The following EXOC4 variants were observed in gnomAD, a reference collection of about 807,000 sequenced individuals.
EXOC4 encodes exocyst complex component 4.
EXOC4 carries 71 observed loss-of-function variants against 107.2 expected under a neutral mutation model. That is an observed-to-expected ratio of 0.66 (90% confidence interval 0.55 to 0.81). The LOEUF (loss-of-function observed/expected upper bound fraction) is 0.81. EXOC4 is among the 30% of genes least tolerant of loss of function. The pLI, the probability that EXOC4 is intolerant of heterozygous loss-of-function variation, is 0.00. For synonymous variants in EXOC4, 456 were observed against 441.2 expected (o/e 1.03, Z -0.42); for missense variants, 1,108 against 1,189.6 (o/e 0.93, Z 1.01).
intron 14 of EXOC4, among the ~76,000 whole-genome samples, chr7:133,990,017 G>A (rs1006692991): frequency 2.0e-5 from 3 of 152,094 alleles, no homozygotes; most frequent in Admixed American, 6.5e-5. Context: ...TATTATAGCT[G>A]TACGTATTTT....
chr7:133,358,765 T>G (rs1258674924), intron 6 of EXOC4, among the ~76,000 whole-genome samples: 1 of 123,922 alleles, frequency 8.1e-6, no homozygotes, highest in Non-Finnish European at 1.7e-5. Flanking sequence ...CACTGTGTCT[T>G]TCATAGGAGT....
chr7:133,889,095 T>C (rs1273446377), intron 11 of EXOC4, among the ~76,000 whole-genome samples: 1 of 152,212 alleles, frequency 6.6e-6, no homozygotes, highest in Non-Finnish European at 1.5e-5. Flanking sequence ...ATTGATGGTT[T>C]TGAAACTTTT....
intron 10 of EXOC4, among the ~76,000 whole-genome samples, chr7:133,649,583 G>A (rs1052031696): frequency 6.7e-6 from 1 of 149,712 alleles, no homozygotes; most frequent in Non-Finnish European, 1.5e-5. Flanking sequence ...TGTTTCTCTT[G>A]GCTTTCCTGT....
At chr7:133,587,727 G>A (rs952943111) in intron 9 of EXOC4, among the ~76,000 whole-genome samples, 2 of 152,114 alleles carry the variant, frequency 1.3e-5, no homozygotes, top group African/African-American at 4.8e-5. Context: ...ATTGGAATTA[G>A]AAAGAAGAAC....
intron 1 of EXOC4, among the ~76,000 whole-genome samples, chr7:133,271,599 T>G (rs1372066122): frequency 6.6e-6 from 1 of 152,212 alleles, no homozygotes; most frequent in Non-Finnish European, 1.5e-5. Flanking sequence ...GTCCAGTCTC[T>G]GAGCTTAGAT....
At chr7:133,796,478 C>T (rs573748854) in intron 10 of EXOC4, among the ~76,000 whole-genome samples, 37 of 152,216 alleles carry the variant, frequency 2.4e-4, no homozygotes, top group African/African-American at 6.0e-4. Flanking sequence ...TTATTTTGGC[C>T]GGGCGCGGTG....
At chr7:133,396,446 C>T (rs1796973212) in intron 7 of EXOC4, 1 of 152,144 alleles carries the variant, frequency 6.6e-6, no homozygotes, top group Non-Finnish European at 1.5e-5. Context: ...GAATCTTGGT[C>T]TGGTTTCAAA....
At position 133,863,154 on chromosome 7, in the gene EXOC4, T is replaced by A. The variant is rs537008313; in HGVS notation, c.1735-32445T>A. Among the ~76,000 whole-genome samples the A allele has an allele frequency of 2.6e-5, 4 of 152,194 alleles. No homozygotes were observed. In the South Asian group the frequency reaches 6.2e-4, roughly 24 times the overall value. ...CACAATTTTTTTCTTTAAAAAGAAA[T>A]CAGTGGAGCATAATAGAAAATCAAA... is the stretch of plus-strand genomic sequence containing the variant. On this transcript the variant is annotated intron_variant, in intron 11 of 17. Transcript: ENST00000253861.
intron 7 of EXOC4, among the ~76,000 whole-genome samples, chr7:133,424,688 T>C: frequency 6.6e-6 from 1 of 152,234 alleles, no homozygotes; most frequent in East Asian, 1.9e-4. Context: ...ACATTATTTT[T>C]ATTGTCAGAA....
At chr7:133,981,833 G>A (rs143040191) in intron 14 of EXOC4, among the ~76,000 whole-genome samples, 1 of 152,156 alleles carries the variant, frequency 6.6e-6, no homozygotes, top group African/African-American at 2.4e-5. Context: ...GTTCACAATA[G>A]CAAAGACATG....
chr7:133,931,206 A>G (rs1563061367), intron 13 of EXOC4, among the ~76,000 whole-genome samples: 1 of 152,312 alleles, frequency 6.6e-6, no homozygotes, highest in African/African-American at 2.4e-5. Context: ...TCAAAGGCAT[A>G]AGGTTAATGA....
intron 10 of EXOC4, among the ~76,000 whole-genome samples, chr7:133,766,071 TA>T: frequency 6.6e-6 from 1 of 152,060 alleles, no homozygotes; most frequent in South Asian, 2.1e-4. Flanking sequence ...CTTAGTGAAG[TA>T]ATTGATTGCA....
chr7:133,752,902 G>T (rs1019845369), intron 10 of EXOC4, among the ~76,000 whole-genome samples: 10 of 152,244 alleles, frequency 6.6e-5, no homozygotes, highest in Admixed American at 3.3e-4. Context: ...ACCTTTGACC[G>T]CTCCACTGGC....
intron 9 of EXOC4, chr7:133,602,119 TAGA>T (rs1801822596): frequency 6.6e-6 from 1 of 152,200 alleles, no homozygotes; most frequent in Non-Finnish European, 1.5e-5. Context: ...CAACTCCAAA[TAGA>T]GAGGTTGTAT....
intron 10 of EXOC4, among the ~76,000 whole-genome samples, chr7:133,720,390 T>C (rs572838918): frequency 6.6e-6 from 1 of 152,222 alleles, no homozygotes; most frequent in Non-Finnish European, 1.5e-5. Context: ...GAATGTTGCG[T>C]ATAAACCTTC....
intron 10 of EXOC4, among the ~76,000 whole-genome samples, chr7:133,738,192 G>A (rs1249639902): frequency 1.3e-5 from 2 of 151,912 alleles, no homozygotes; most frequent in South Asian, 2.1e-4. Context: ...GATTACAGGC[G>A]TGAGCCACCA....
chr7:133,934,612 C>T (rs990312247), intron 13 of EXOC4, among the ~76,000 whole-genome samples: 5 of 152,104 alleles, frequency 3.3e-5, no homozygotes, highest in Non-Finnish European at 7.3e-5. Context: ...TCTTAATTGT[C>T]GCATTCCACC....
chr7:133,539,671 T>G (rs988858314), intron 9 of EXOC4, among the ~76,000 whole-genome samples: 1 of 151,090 alleles, frequency 6.6e-6, no homozygotes, highest in Non-Finnish European at 1.5e-5. Flanking sequence ...AACTTGGAGG[T>G]TTTTTTTCCT....
At chr7:133,678,355 ATGG>A (rs1794111027) in intron 10 of EXOC4, among the ~76,000 whole-genome samples, 1 of 152,234 alleles carries the variant, frequency 6.6e-6, no homozygotes, top group Non-Finnish European at 1.5e-5. Context: ...CAATGTAAGT[ATGG>A]AATTACCCTC....
Sources: allele counts gnomAD v4.1 joint callset (sites outside exome capture counted in the v4.1 genomes callset), GRCh38; gene constraint gnomAD v4.1.1; transcripts MANE v1.5; gene names NCBI Gene and HGNC (gene_info 2026-07-23, HGNC 2026-07-21).